Variants in PCDHGA8 observed in about 807,000 individuals in gnomAD.
PCDHGA8 encodes protocadherin gamma-A8.
Under a neutral mutation model 59.2 loss-of-function variants are expected in PCDHGA8, and 45 were observed. The observed-to-expected ratio is 0.76, with a 90% CI of 0.60 to 0.98. PCDHGA8 has a LOEUF of 0.98. Ranked by LOEUF, PCDHGA8 falls within the 50% of genes least tolerant of loss-of-function variation. The pLI, the probability that PCDHGA8 is intolerant of heterozygous loss-of-function variation, is 0.00. For synonymous variants in PCDHGA8, 531 were observed against 519.0 expected (o/e 1.02, Z -0.32); for missense variants, 1,257 against 1,196.2 (o/e 1.05, Z -0.75).
At chr5:141,404,593 A>G in intron 1 of PCDHGA8, 1 of 1,614,080 alleles carries the variant, frequency 6.2e-7, no homozygotes, top group Non-Finnish European at 8.5e-7. Context: ...GCAATGTGTC[A>G]TTGAGACTGT....
rs2097456240 is a variant in PCDHGA8, at chr5:141,432,134, G to T, written c.2424+36897G>T. 3 of 1,613,756 alleles carry T rather than the reference G, an allele frequency of 1.9e-6. No individual in the cohort carries two copies. The highest frequency in any genetic ancestry group is 1.3e-5 in the African/African-American group (1 of 74,800). On this transcript the variant is annotated intron_variant, in intron 1 of 3. Coordinates refer to ENST00000398604, the MANE Select transcript of PCDHGA8 (RefSeq NM_032088.2). This position sits in a 1 kb window ranked among gnomAD's most constrained non-coding sequence, Gnocchi z 6.0. The stretch of plus-strand genomic sequence containing the variant: ...GGTCTTCCCTCAGGCCTCCTATTCC[G>T]CTTATATCCCAGAGAACAATCCCAG...
At chr5:141,467,348 C>T (rs1182432500) in intron 1 of PCDHGA8, among the ~76,000 whole-genome samples, 5 of 152,142 alleles carry the variant, frequency 3.3e-5, no homozygotes, top group African/African-American at 9.7e-5. Context: ...CCACTGCCCC[C>T]GGCCAAATCA....
At chr5:141,435,215 C>G (rs4912753) in intron 1 of PCDHGA8, among the ~76,000 whole-genome samples, 81,908 of 151,924 alleles carry the variant, frequency 0.54, 24,122 homozygotes, top group African/African-American at 0.79. Flanking sequence ...AGTGAATTTA[C>G]TTTCTTTCAA....
intron 2 of PCDHGA8, among the ~76,000 whole-genome samples, chr5:141,496,419 C>T (rs1292183963): frequency 6.6e-6 from 1 of 152,174 alleles, no homozygotes; most frequent in Non-Finnish European, 1.5e-5. Flanking sequence ...TACTTGCTGT[C>T]CACATTTGCC....
chr5:141,415,044 G>T, intron 1 of PCDHGA8: 2 of 1,613,506 alleles, frequency 1.2e-6, no homozygotes, highest in East Asian at 2.2e-5. Flanking sequence ...TCTTCGCGGT[G>T]GGGGAGCACA....
chr5:141,434,547 A>G (rs1277148299), intron 1 of PCDHGA8, among the ~76,000 whole-genome samples: 1 of 152,232 alleles, frequency 6.6e-6, no homozygotes, highest in East Asian at 1.9e-4. Context: ...AGCATGAGTG[A>G]TCTGTGCCTT....
chr5:141,480,712 A>G (rs559266864), intron 1 of PCDHGA8, among the ~76,000 whole-genome samples: 13 of 152,306 alleles, frequency 8.5e-5, no homozygotes, highest in African/African-American at 2.9e-4. Context: ...CCGACAAATG[A>G]AAGCACAGTC....
intron 1 of PCDHGA8, chr5:141,415,758 T>G (rs200061978): frequency 0.08 from 111,079 of 1,380,048 alleles, 1,979 homozygotes; most frequent in African/African-American, 0.17. Context: ...TTTTTTTTTT[T>G]TTTTTTTTTT....
Position 141,487,265 on chromosome 5 carries a change from G to C in PCDHGA8, c.2425-7542G>C, listed in dbSNP as rs144347539. 6,978 of 1,614,152 alleles carry C rather than the reference G, an allele frequency of 4.3e-3. 28 individuals carry two copies. Among genetic ancestry groups the C allele is most frequent in the Non-Finnish European group, 4.9e-3 (5,770 of 1,180,028 alleles). ...AACCCTCTACTTGGCTGTGTCCCTA[G>C]TGGCAATTTGCTTTGTCTCCTTTGG... On this transcript the variant is annotated intron_variant, in intron 1 of 3. Coordinates refer to ENST00000398604, the MANE Select transcript of PCDHGA8 (RefSeq NM_032088.2). This position sits in a 1 kb window ranked among gnomAD's most constrained non-coding sequence, Gnocchi z 5.0.
rs776047060 is a variant in PCDHGA8, at chr5:141,393,622, A to T, written c.809A>T (p.Asp270Val). The T allele has an allele frequency of 1.9e-6, 3 of 1,613,960 alleles. No individual in the cohort carries two copies. The Admixed American group carries it at 5.0e-5, about 27-fold the overall frequency. ...CTTACTGTAACAGCCAGCGACCCGG[A>T]TGAGGGAATCAACGGAAAAGTGGCA... The part of the protein sequence containing the change: ...RLLTVTASDP[D>V]EGINGKVAYK... Residue 270 changes from aspartate to valine, a missense_variant, in exon 1 of 4, where the codon GAT becomes GTT. Coordinates refer to ENST00000398604, the MANE Select transcript of PCDHGA8 (RefSeq NM_032088.2).
At chr5:141,409,919 G>T (rs774277848) in intron 1 of PCDHGA8, 1 of 1,613,346 alleles carries the variant, frequency 6.2e-7, no homozygotes, top group Non-Finnish European at 8.5e-7. Context: ...TGACGGCTCC[G>T]CGTTCTTCGA....
chr5:141,461,124 A>G (rs992107268), intron 1 of PCDHGA8, among the ~76,000 whole-genome samples: 1 of 151,978 alleles, frequency 6.6e-6, no homozygotes, highest in Admixed American at 6.6e-5. Context: ...TTTTTCATAT[A>G]ATTACTTATT....
rs113341686 is a variant in PCDHGA8, at chr5:141,488,763, G to A, written c.2425-6044G>A. Among the ~76,000 whole-genome samples the A allele has an allele frequency of 6.6e-4, 101 of 152,264 alleles. 1 individual carries two copies. The highest frequency in any genetic ancestry group is 1.7e-3 in the African/African-American group (69 of 41,544). ...ATGCAGGAAGTTGCTGGGACAGAACGCTGAGGAGTTTTGTATCACTTTGTC... is the reference window on the plus strand; with the variant it reads ...ATGCAGGAAGTTGCTGGGACAGAACACTGAGGAGTTTTGTATCACTTTGTC... On this transcript the variant is annotated intron_variant, in intron 1 of 3. Coordinates refer to ENST00000398604, the MANE Select transcript of PCDHGA8 (RefSeq NM_032088.2).
chr5:141,477,475 C>A lies in PCDHGA8; in HGVS notation c.2425-17332C>A. ...TTCAAGTGTCCGACATCAATGACAA[C>A]CCTCCACAATCTTCTCAATCTTCCT... On this transcript the variant is annotated intron_variant, in intron 1 of 3. Coordinates refer to ENST00000398604, the MANE Select transcript of PCDHGA8 (RefSeq NM_032088.2). The surrounding 1 kb of genome is among the most constrained non-coding windows in gnomAD (Gnocchi z 4.9). The A allele has an allele frequency of 3.1e-6, 5 of 1,614,124 alleles. No homozygotes were observed. The highest frequency in any genetic ancestry group is 4.2e-6 in the Non-Finnish European group (5 of 1,180,030).
intron 1 of PCDHGA8, chr5:141,413,467 G>T: frequency 6.2e-7 from 1 of 1,614,136 alleles, no homozygotes; most frequent in Non-Finnish European, 8.5e-7. Context: ...AGACCGGGAG[G>T]AGCTCTGCGC....
chr5:141,423,474 T>C, intron 1 of PCDHGA8: 1 of 1,614,004 alleles, frequency 6.2e-7, no homozygotes, highest in Non-Finnish European at 8.5e-7. Flanking sequence ...GGGTACAGGC[T>C]TTCCTGCAAA....
chr5:141,399,704 T>A, intron 1 of PCDHGA8: 1 of 1,613,424 alleles, frequency 6.2e-7, no homozygotes, highest in Non-Finnish European at 8.5e-7. Context: ...ACCTTCGAAC[T>A]CACACTACAG....
intron 1 of PCDHGA8, among the ~76,000 whole-genome samples, chr5:141,482,435 A>G (rs2099559555): frequency 6.6e-6 from 1 of 150,568 alleles, no homozygotes; most frequent in South Asian, 2.1e-4. Flanking sequence ...GATAATACTG[A>G]TATTCACCAT....
At chr5:141,413,330 T>C (rs770842309) in intron 1 of PCDHGA8, 1 of 1,613,930 alleles carries the variant, frequency 6.2e-7, no homozygotes. Context: ...GTGGGCAACA[T>C]CTCCAAGGAC....
Sources: gnomAD v4.1 joint callset for allele counts (sites outside exome capture counted in the v4.1 genomes callset) on GRCh38, gnomAD v4.1.1 for gene constraint, Gnocchi (gnomAD v3.1) non-coding constraint, MANE v1.5 for transcripts, NCBI Gene and HGNC (gene_info 2026-07-23, HGNC 2026-07-21) for gene names.